COPA: variants seen among roughly 807,000 people sequenced by gnomAD.
The protein encoded by COPA is coatomer subunit alpha.
A neutral mutation model predicts 158.7 loss-of-function variants in COPA; 10 were observed. That is an observed-to-expected ratio of 0.06 (90% confidence interval 0.04 to 0.11). The LOEUF (loss-of-function observed/expected upper bound fraction) is 0.11. COPA is among the 10% of genes least tolerant of loss of function. The pLI is 1.00. For missense variants in COPA, 1,065 were observed against 1,536.7 expected (o/e 0.69, Z 5.13); for synonymous variants, 462 against 542.8 (o/e 0.85, Z 2.07).
intron 8 of COPA, among the ~76,000 whole-genome samples, chr1:160,314,576 G>A (rs932778438): frequency 6.6e-6 from 1 of 152,200 alleles, no homozygotes; most frequent in African/African-American, 2.4e-5. Flanking sequence ...ACGGCAGTGA[G>A]CCGTGAATGC....
At chr1:160,303,415 C>T (rs913148914) in intron 17 of COPA, among the ~76,000 whole-genome samples, 8 of 152,220 alleles carry the variant, frequency 5.3e-5, no homozygotes, top group African/African-American at 7.2e-5. Context: ...ATAACAAAGA[C>T]GAGACTGCAG....
At chr1:160,337,099 A>G (rs1173348049) in intron 3 of COPA, among the ~76,000 whole-genome samples, 1 of 152,178 alleles carries the variant, frequency 6.6e-6, no homozygotes, top group Admixed American at 6.5e-5. Context: ...TACCATAAAC[A>G]CTATTCTTTA....
chr1:160,305,320 G>A (rs1658748435), intron 17 of COPA, 113 bp downstream of exon 17: 2 of 1,099,094 alleles, frequency 1.8e-6, no homozygotes, highest in African/African-American at 1.6e-5. Flanking sequence ...TATATGCCAG[G>A]TAAGGCTTTT....
chr1:160,330,646 T>C (rs1279919356), intron 6 of COPA, among the ~76,000 whole-genome samples: 7 of 152,252 alleles, frequency 4.6e-5, no homozygotes, highest in African/African-American at 7.2e-5. Context: ...TTGCTGTTCA[T>C]TAATGGTCTA....
chr1:160,295,816 G>A lies in COPA; in HGVS notation c.2396C>T (p.Ala799Val). 1 of 1,613,300 alleles carries A rather than the reference G, an allele frequency of 6.2e-7. No individual in the cohort carries two copies. ...DPNAKLLQPPAPIMPLDTNWP... is the reference protein window; with the variant it reads ...DPNAKLLQPPVPIMPLDTNWP... ...ATTGGTATCCAATGGCATGATAGGT[G>A]CAGGTGGCTGGAGCAGCTTGGCATT... Residue 799 changes from alanine (A) to valine (V), a missense_variant, in exon 23 of 33, where the codon GCA (alanine) becomes GTA (valine). Ala to Val is a moderately conservative substitution (Grantham distance 64). Transcript: ENST00000241704.
At chr1:160,300,603 G>C (rs1451775494) in intron 17 of COPA, among the ~76,000 whole-genome samples, 1 of 151,966 alleles carries the variant, frequency 6.6e-6, no homozygotes, top group South Asian at 2.1e-4. Context: ...CTCATTGAGG[G>C]AACAGAAAAA....
In COPA at chr1:160,312,003, A is replaced by G. The variant is rs1348886837; in HGVS notation, c.941T>C (p.Met314Thr). The stretch of plus-strand genomic sequence containing the variant: ...TTCCCGTTCCAGCTTAAACACAATC[A>G]TACCACCATCATGGCCTGGGGGACA... ...NLFAAGHDGG[M>T]IVFKLERERP... Residue 314 changes from methionine to threonine, a missense_variant, in exon 11 of 33, where the codon ATG (methionine) becomes ACG (threonine). Around this residue, in one of 2 missense-constraint regions of COPA, gnomAD observed 980 missense variants for 1,357.8 expected, o/e 0.72. Transcript: ENST00000241704. The G allele has an allele frequency of 1.1e-5, 17 of 1,613,792 alleles. No individual in the cohort carries two copies. The highest frequency in any genetic ancestry group is 1.4e-5 in the Non-Finnish European group (17 of 1,179,870).
chr1:160,304,294 G>A (rs1317980490), intron 17 of COPA, among the ~76,000 whole-genome samples: 3 of 151,516 alleles, frequency 2.0e-5, no homozygotes, highest in Admixed American at 6.6e-5. Context: ...GATTACAGAC[G>A]TGAGCCACCA....
intron 17 of COPA, among the ~76,000 whole-genome samples, chr1:160,303,971 AAAAT>A (rs1658698188): frequency 6.6e-6 from 1 of 152,184 alleles, no homozygotes; most frequent in Admixed American, 6.5e-5. Flanking sequence ...CAGATGGACA[AAAAT>A]AAGTCTCACC....
Position 160,294,588 on chromosome 1 carries a change from A to T in COPA, c.2572T>A (p.Phe858Ile). The stretch of plus-strand genomic sequence containing the variant: ...CCCAAACCTTCTGTAGCCTCCACAA[A>T]CCCATCTGTAAGGAAAATTCAAGCT... ...DAELQLDEDG[F>I]VEATEGLGDD... Residue 858 changes from phenylalanine to isoleucine, a missense_variant, in exon 25 of 33, where the codon TTT becomes ATT. Coordinates refer to ENST00000241704, the MANE Select transcript of COPA (RefSeq NM_004371.4). The T allele has an allele frequency of 6.2e-7, 1 of 1,614,032 alleles. No homozygotes were observed. Among genetic ancestry groups the T allele is most frequent in the Non-Finnish European group, 8.5e-7 (1 of 1,179,974 alleles).
chr1:160,330,125 C>T (rs1202103380), intron 6 of COPA, among the ~76,000 whole-genome samples: 2 of 151,908 alleles, frequency 1.3e-5, no homozygotes, highest in Non-Finnish European at 2.9e-5. Context: ...CCGCCACCCC[C>T]CCCAAAAAAA....
At chr1:160,295,030 G>C (rs1658355702) in intron 23 of COPA, among the ~76,000 whole-genome samples, 173 bp from the exon 24 acceptor site, 1 of 152,192 alleles carries the variant, frequency 6.6e-6, no homozygotes, top group Non-Finnish European at 1.5e-5. Flanking sequence ...CTAACTTGCA[G>C]TAGCTTTCAC....
rs1179159511 is a variant in COPA at position 160,289,672 on chromosome 1, C to T, written c.*485G>A. ...GTGGTATGATCTCAGTTGAATGCAA[C>T]CTCCACCTCCTAGGTTCAAGCGATT... On this transcript the variant is annotated 3_prime_UTR_variant, in exon 33 of 33. Transcript: ENST00000241704. 6.6e-6 allele frequency: 1 copy of T among 152,172 alleles called. No homozygotes were observed. Among genetic ancestry groups the T allele is most frequent in the Non-Finnish European group, 1.5e-5 (1 of 68,288 alleles). 9.4% of individuals were successfully genotyped at this position (152,172 alleles called of 1,614,324 possible). A position where few individuals can be genotyped will look rare whatever the true frequency, so the allele number is the denominator to read the frequency against.
chr1:160,298,747 C>T, intron 19 of COPA, 98 bp downstream of exon 19: 1 of 1,442,714 alleles, frequency 6.9e-7, no homozygotes, highest in Non-Finnish European at 9.4e-7. Flanking sequence ...TTTCATTATT[C>T]TGGCTAAAGA....
In COPA at chr1:160,292,620, G is replaced by T; in HGVS notation, c.2824C>A (p.Leu942Ile). 2 of 1,586,916 alleles carry T rather than the reference G, an allele frequency of 1.3e-6. No individual in the cohort carries two copies. The highest frequency in any genetic ancestry group is 1.9e-5 in the Admixed American group (1 of 51,380). ...ATTACCCCTACTTGGTCATGAAGGAGCTGGAACAGAAGGAAAGAAACAAGG... is the reference window on the plus strand; with the variant it reads ...ATTACCCCTACTTGGTCATGAAGGATCTGGAACAGAAGGAAAGAAACAAGG... ...LAGSFETAMR[L>I]LHDQVGVIQF... Residue 942 changes from leucine (L) to isoleucine (I), a missense_variant and splice_region_variant, in exon 28 of 33, where the codon CTC becomes ATC. Physicochemically the swap from Leu to Ile is conservative, Grantham distance 5 (BLOSUM62 2). Coordinates refer to ENST00000241704, the MANE Select transcript of COPA (RefSeq NM_004371.4).
At chr1:160,309,218 C>T (rs1193958917) in intron 12 of COPA, 42 bp from the exon 13 acceptor site, 3 of 1,439,510 alleles carry the variant, frequency 2.1e-6, no homozygotes, top group Non-Finnish European at 2.0e-6. Flanking sequence ...GTGAGAAGCA[C>T]CCAAGATACC....
chr1:160,322,473 A>C (rs1659358119), intron 8 of COPA, among the ~76,000 whole-genome samples: 1 of 152,248 alleles, frequency 6.6e-6, no homozygotes, highest in Non-Finnish European at 1.5e-5. Flanking sequence ...AGAAACTATG[A>C]AACTACTAGA....
intron 8 of COPA, among the ~76,000 whole-genome samples, chr1:160,318,179 C>G (rs1659208229): frequency 6.6e-6 from 1 of 151,894 alleles, no homozygotes; most frequent in East Asian, 1.9e-4. Flanking sequence ...GGGTCTGGAC[C>G]AAAAGAAGAG....
intron 25 of COPA, among the ~76,000 whole-genome samples, chr1:160,293,762 C>T (rs1040664834): frequency 1.3e-5 from 2 of 152,126 alleles, no homozygotes; most frequent in African/African-American, 4.8e-5. Flanking sequence ...TCCCAAAGTG[C>T]TAGCATTACA....
Sources: gnomAD v4.1 joint callset for allele counts (sites outside exome capture counted in the v4.1 genomes callset) on GRCh38, gnomAD v4.1.1 for gene constraint, gnomAD v4.1.1 regional missense constraint, MANE v1.5 for transcripts, NCBI Gene and HGNC (gene_info 2026-07-23, HGNC 2026-07-21) for gene names.